Variants in CFAP20DC observed in about 807,000 individuals in gnomAD.
CFAP20DC encodes CFAP20 domain containing, also known as protein CFAP20DC.
CFAP20DC carries 84 observed loss-of-function variants against 101.7 expected under a neutral mutation model. The observed-to-expected ratio is 0.83, with a 90% CI of 0.69 to 0.99. CFAP20DC has a LOEUF of 0.99. Ranked by LOEUF, CFAP20DC falls within the 50% of genes least tolerant of loss-of-function variation. CFAP20DC has a pLI of 0.00. For missense variants in CFAP20DC, 1,007 were observed against 970.3 expected, an observed-to-expected ratio of 1.04 and a Z score of -0.50; for synonymous variants, 359 against 351.2, an observed-to-expected ratio of 1.02 and a Z score of -0.25.
At position 58,869,581 on chromosome 3, in the gene CFAP20DC, T is replaced by A; in HGVS notation, c.853-91A>T. The A allele has an allele frequency of 4.9e-6, 5 of 1,015,114 alleles. No homozygotes were observed. The highest frequency in any genetic ancestry group is 6.8e-6 in the Non-Finnish European group (5 of 731,804). The allele number at this position is 1,015,114 out of a possible 1,614,324, so 62.9% of individuals were successfully genotyped here. On this transcript the variant is annotated intron_variant, in intron 8 of 16. Coordinates refer to ENST00000482387, the MANE Select transcript of CFAP20DC (RefSeq NM_001394063.1). The surrounding 1 kb of genome is among the most constrained non-coding windows in gnomAD (Gnocchi z 4.3). ...ATAGAAAACATAATATTTGGACCAA[T>A]GAAGAGTGAGAAAAAAACTAGAGGA...
intron 5 of CFAP20DC, among the ~76,000 whole-genome samples, chr3:58,919,613 C>A (rs1045767442): frequency 6.6e-6 from 1 of 152,184 alleles, no homozygotes; most frequent in Admixed American, 6.5e-5. Context: ...TCTTAACAAA[C>A]AAATAGTCTT....
chr3:59,029,861 C>T (rs2093956757), intron 4 of CFAP20DC, among the ~76,000 whole-genome samples: 1 of 152,090 alleles, frequency 6.6e-6, no homozygotes, highest in Admixed American at 6.6e-5. Context: ...TATATCAAAT[C>T]CCCCATGCCT....
intron 4 of CFAP20DC, among the ~76,000 whole-genome samples, chr3:58,985,260 T>A (rs1330131278): frequency 6.6e-6 from 1 of 152,106 alleles, no homozygotes; most frequent in South Asian, 2.1e-4. Flanking sequence ...TTCTTCCTAT[T>A]CTCTTTTTAT....
rs924541739 is a variant in CFAP20DC, at chr3:58,912,352, C to T, written c.550+1356G>A. ...AAAAAAATGAAATCTTTCACTTTCT[C>T]GTATAGTCTGTAAGTGGGTACATAA... On this transcript the variant is annotated intron_variant, in intron 6 of 16. Transcript: ENST00000482387. The surrounding 1 kb of genome is among the most constrained non-coding windows in gnomAD (Gnocchi z 4.4). Among the ~76,000 whole-genome samples, 27 of 152,136 alleles carry T rather than the reference C, an allele frequency of 1.8e-4. No individual in the cohort carries two copies. The highest frequency in any genetic ancestry group is 6.3e-4 in the African/African-American group (26 of 41,438).
At position 59,035,990 on chromosome 3, in the gene CFAP20DC, G is replaced by C. The variant is rs534559713; in HGVS notation, c.278+3567C>G. On this transcript the variant is annotated intron_variant, in intron 4 of 16. Transcript: ENST00000482387. Reference sequence around the variant, plus strand: ...GCTTCATCCCTGGGATGCAAGGCTGGTTCAACATACGCAAATCAATCAACA... The same window carrying C: ...GCTTCATCCCTGGGATGCAAGGCTGCTTCAACATACGCAAATCAATCAACA... Among the ~76,000 whole-genome samples, 107 of 152,282 alleles carry C rather than the reference G, an allele frequency of 7.0e-4. 1 individual carries two copies. Among genetic ancestry groups the C allele is most frequent in the African/African-American group, 2.3e-3 (94 of 41,548 alleles).
At chr3:58,873,110 C>G (rs2080385926) in intron 7 of CFAP20DC, among the ~76,000 whole-genome samples, 1 of 148,440 alleles carries the variant, frequency 6.7e-6, no homozygotes, top group African/African-American at 2.5e-5. Context: ...CATAGCTATT[C>G]TGGATGCTGT....
intron 15 of CFAP20DC, among the ~76,000 whole-genome samples, chr3:58,803,950 A>G (rs969296612): frequency 3.3e-5 from 5 of 152,192 alleles, no homozygotes; most frequent in African/African-American, 4.8e-5. Context: ...TCAATTTGTA[A>G]AAGAGATATT....
intron 12 of CFAP20DC, chr3:58,862,659 T>C: frequency 3.0e-6 from 3 of 984,160 alleles, no homozygotes; most frequent in Non-Finnish European, 3.6e-6. Context: ...CCAAAAAGGA[T>C]TCTTAATCAG....
At chr3:58,938,479 AC>A (rs745396789) in intron 4 of CFAP20DC, among the ~76,000 whole-genome samples, 12 of 152,178 alleles carry the variant, frequency 7.9e-5, no homozygotes, top group Non-Finnish European at 1.3e-4. Context: ...AACCTGTCTC[AC>A]ACTGCTATAT....
In CFAP20DC at chr3:58,868,109, G is replaced by T. The variant is rs9852739; in HGVS notation, c.1016-173C>A. Reference sequence around the variant, plus strand: ...GAAAATAGGCATTTATTCCTATTCCGATATTGGGATCCTATCAGGCTTTCA... The same window carrying T: ...GAAAATAGGCATTTATTCCTATTCCTATATTGGGATCCTATCAGGCTTTCA... On this transcript the variant is annotated intron_variant, in intron 9 of 16. Coordinates refer to ENST00000482387, the MANE Select transcript of CFAP20DC (RefSeq NM_001394063.1). This position sits in a 1 kb window ranked among gnomAD's most constrained non-coding sequence, Gnocchi z 4.6. Among the ~76,000 whole-genome samples, 1 of 152,034 alleles carries T rather than the reference G, an allele frequency of 6.6e-6. No homozygotes were observed. Among genetic ancestry groups the T allele is most frequent in the African/African-American group, 2.4e-5 (1 of 41,400 alleles).
At chr3:59,035,886 A>C (rs1024797521) in intron 4 of CFAP20DC, among the ~76,000 whole-genome samples, 3 of 152,208 alleles carry the variant, frequency 2.0e-5, no homozygotes, top group African/African-American at 7.2e-5. Context: ...TGACAGAGAC[A>C]CAACAAAAAA....
At chr3:58,842,173 G>A (rs1436635342) in intron 13 of CFAP20DC, among the ~76,000 whole-genome samples, 2 of 151,830 alleles carry the variant, frequency 1.3e-5, no homozygotes, top group East Asian at 1.9e-4. Flanking sequence ...CAAGATGGCC[G>A]AATAGGAACA....
intron 4 of CFAP20DC, among the ~76,000 whole-genome samples, chr3:58,996,464 T>C (rs1011938168): frequency 6.6e-6 from 1 of 152,230 alleles, no homozygotes; most frequent in East Asian, 1.9e-4. Context: ...AGATTACAAA[T>C]AGATGTATAA....
intron 4 of CFAP20DC, among the ~76,000 whole-genome samples, chr3:58,985,629 T>G (rs2092725141): frequency 6.6e-6 from 1 of 152,196 alleles, no homozygotes; most frequent in Non-Finnish European, 1.5e-5. Context: ...CATGTTTATC[T>G]CTCATCCAAA....
In CFAP20DC at chr3:59,015,660, G is replaced by C. The variant is rs2093673734; in HGVS notation, c.278+23897C>G. Among the ~76,000 whole-genome samples, 1 of 152,058 alleles carries C rather than the reference G, an allele frequency of 6.6e-6. No homozygotes were observed. Among genetic ancestry groups the C allele is most frequent in the African/African-American group, 2.4e-5 (1 of 41,412 alleles). On this transcript the variant is annotated intron_variant, in intron 4 of 16. Coordinates refer to ENST00000482387, the MANE Select transcript of CFAP20DC (RefSeq NM_001394063.1). This position sits in a 1 kb window ranked among gnomAD's most constrained non-coding sequence, Gnocchi z 5.4. ...CACATTTACATCACTTTAGGAATTA[G>C]TTGCATTCCTGAATGTCTTTCATAA...
chr3:58,942,868 G>C (rs1008900752), intron 4 of CFAP20DC, among the ~76,000 whole-genome samples: 9 of 152,300 alleles, frequency 5.9e-5, no homozygotes, highest in Middle Eastern at 3.4e-3. Flanking sequence ...AATCAACCCA[G>C]GGCACTAGAG....
chr3:58,791,885 G>A (rs925030956), intron 15 of CFAP20DC, among the ~76,000 whole-genome samples: 5 of 152,146 alleles, frequency 3.3e-5, no homozygotes, highest in Admixed American at 6.6e-5. Flanking sequence ...AAGAAATAAC[G>A]TAGGCCCTTA....
rs78109672 is a variant in CFAP20DC, at chr3:58,929,291, T to C, written c.393+8357A>G. On this transcript the variant is annotated intron_variant, in intron 5 of 16. Coordinates refer to ENST00000482387, the MANE Select transcript of CFAP20DC (RefSeq NM_001394063.1). ...ACATAATACTCAGATTTTGATGAAA[T>C]ATCTAGACTTCAGAGTTAGTTAACT... is the stretch of plus-strand genomic sequence containing the variant. 1.9e-4 allele frequency among the ~76,000 whole-genome samples: 29 copies of C among 152,312 alleles called. No homozygotes were observed. In the East Asian group the frequency reaches 5.6e-3, roughly 29 times the overall value.
chr3:58,988,017 T>G (rs544298431), intron 4 of CFAP20DC, among the ~76,000 whole-genome samples: 1 of 151,916 alleles, frequency 6.6e-6, no homozygotes, highest in African/African-American at 2.4e-5. Flanking sequence ...TATAAAATAA[T>G]CTAATAATGA....
Sources: allele counts gnomAD v4.1 joint callset (sites outside exome capture counted in the v4.1 genomes callset), GRCh38; gene constraint gnomAD v4.1.1; non-coding constraint Gnocchi (gnomAD v3.1); transcripts MANE v1.5; gene names NCBI Gene and HGNC (gene_info 2026-07-23, HGNC 2026-07-21).